CYP7B1: variants seen among roughly 807,000 people sequenced by gnomAD.
CYP7B1 encodes cytochrome P450 7B1.
CYP7B1 carries 29 observed loss-of-function variants against 42.7 expected under a neutral mutation model. The ratio of observed to expected loss-of-function variants is 0.68; its 90% confidence interval spans 0.51 to 0.93. The LOEUF (loss-of-function observed/expected upper bound fraction) is 0.93. Ranked by LOEUF, CYP7B1 falls within the 40% of genes least tolerant of loss-of-function variation. CYP7B1 has a pLI of 0.00. For synonymous variants in CYP7B1, 235 were observed against 218.2 expected (o/e 1.08, Z -0.68); for missense variants, 655 against 600.5 (o/e 1.09, Z -0.95).
intron 1 of CYP7B1, among the ~76,000 whole-genome samples, chr8:64,705,822 C>T (rs974514360): frequency 1.3e-5 from 2 of 152,044 alleles, no homozygotes; most frequent in Non-Finnish European, 1.5e-5. Context: ...TTTCCAATTA[C>T]ATTCCTTTAG....
At chr8:64,756,456 T>C (rs1048964853) in intron 1 of CYP7B1, among the ~76,000 whole-genome samples, 3 of 152,190 alleles carry the variant, frequency 2.0e-5, no homozygotes, top group Admixed American at 6.5e-5. Context: ...AGGGTTTGTT[T>C]TGGAAGCGGA....
intron 1 of CYP7B1, among the ~76,000 whole-genome samples, chr8:64,685,985 C>A (rs1308449046): frequency 2.1e-5 from 1 of 47,634 alleles, no homozygotes; most frequent in Non-Finnish European, 4.3e-5. Context: ...CGCCTCTGCC[C>A]GGCCGCCCCT....
intron 4 of CYP7B1, among the ~76,000 whole-genome samples, chr8:64,614,261 G>C (rs1585806611): frequency 1.3e-5 from 2 of 152,164 alleles, no homozygotes; most frequent in African/African-American, 2.4e-5. Context: ...GCGATTAAAA[G>C]CTCCAGTCAT....
At chr8:64,769,816 A>C (rs1271202040) in intron 1 of CYP7B1, among the ~76,000 whole-genome samples, 1 of 151,702 alleles carries the variant, frequency 6.6e-6, no homozygotes, top group Non-Finnish European at 1.5e-5. Context: ...CCCCCATCCT[A>C]CTGAGCATAC....
At chr8:64,714,329 A>G (rs1488742281) in intron 1 of CYP7B1, among the ~76,000 whole-genome samples, 3 of 152,224 alleles carry the variant, frequency 2.0e-5, no homozygotes, top group Admixed American at 6.5e-5. Context: ...ATATCAATAA[A>G]TGTGTGCAAA....
intron 4 of CYP7B1, among the ~76,000 whole-genome samples, chr8:64,612,913 T>C (rs138637678): frequency 1.3e-5 from 2 of 152,296 alleles, no homozygotes; most frequent in African/African-American, 4.8e-5. Flanking sequence ...TCTCTTGATA[T>C]AGAGAAATAC....
In CYP7B1 at chr8:64,797,643, CAT is replaced by C. The variant is rs529764573; in HGVS notation, c.122+821_122+822del. 3.5e-4 allele frequency among the ~76,000 whole-genome samples: 53 copies of C among 152,262 alleles called. 1 individual carries two copies. In the East Asian group the frequency reaches 9.7e-3, roughly 28 times the overall value. On this transcript the variant is annotated intron_variant, in intron 1 of 5. Transcript: ENST00000310193. ...TGAGAAACAACCTGTATCACACACA[CAT>C]AGATATCTATACATTGATACATATG...
chr8:64,690,320 T>C (rs1806719987), intron 1 of CYP7B1, among the ~76,000 whole-genome samples: 4 of 152,156 alleles, frequency 2.6e-5, no homozygotes, highest in South Asian at 4.1e-4. Flanking sequence ...GGAGGATCGA[T>C]TGACCCTGGG....
At chr8:64,662,012 A>G (rs746206301) in intron 1 of CYP7B1, among the ~76,000 whole-genome samples, 20 of 152,054 alleles carry the variant, frequency 1.3e-4, no homozygotes, top group Non-Finnish European at 2.1e-4. Context: ...CCATCTCACA[A>G]GGCATGGCCC....
intron 1 of CYP7B1, among the ~76,000 whole-genome samples, chr8:64,658,387 GAAGTA>G (rs906280480): frequency 1.3e-5 from 2 of 151,944 alleles, no homozygotes; most frequent in African/African-American, 4.8e-5. Flanking sequence ...GAAACACTGA[GAAGTA>G]AAGTTTTTTT....
At chr8:64,709,035 C>T (rs1807041686) in intron 1 of CYP7B1, among the ~76,000 whole-genome samples, 1 of 152,190 alleles carries the variant, frequency 6.6e-6, no homozygotes, top group African/African-American at 2.4e-5. Flanking sequence ...CTGACAGGCA[C>T]TGAGCTGTGT....
At chr8:64,697,108 C>T (rs1305202012) in intron 1 of CYP7B1, among the ~76,000 whole-genome samples, 1 of 152,070 alleles carries the variant, frequency 6.6e-6, no homozygotes, top group African/African-American at 2.4e-5. Flanking sequence ...ATAGAAACTG[C>T]CAATCTGTTT....
At chr8:64,750,307 T>A (rs1807707939) in intron 1 of CYP7B1, among the ~76,000 whole-genome samples, 1 of 152,152 alleles carries the variant, frequency 6.6e-6, no homozygotes, top group Non-Finnish European at 1.5e-5. Context: ...ACCAACAGGA[T>A]CTAGATCTAC....
intron 1 of CYP7B1, among the ~76,000 whole-genome samples, chr8:64,655,720 C>G (rs1293521745): frequency 1.3e-5 from 2 of 152,130 alleles, no homozygotes; most frequent in Non-Finnish European, 2.9e-5. Context: ...CACAGATGTT[C>G]ATTGCAGCAC....
chr8:64,731,896 G>A (rs971460719), intron 1 of CYP7B1, among the ~76,000 whole-genome samples: 2 of 152,216 alleles, frequency 1.3e-5, no homozygotes, highest in Non-Finnish European at 2.9e-5. Context: ...CTTCCACGTG[G>A]TGTTTGGCCT....
chr8:64,797,208 A>G (rs192953016), intron 1 of CYP7B1, among the ~76,000 whole-genome samples: 1 of 152,206 alleles, frequency 6.6e-6, no homozygotes, highest in East Asian at 1.9e-4. Flanking sequence ...TCTCACACCA[A>G]TCACCTTCAC....
At chr8:64,590,818 T>C (rs900923835), downstream of CYP7B1, among the ~76,000 whole-genome samples, 1 of 152,176 alleles carries the variant, frequency 6.6e-6, no homozygotes. Context: ...AACATATTCC[T>C]AGTAGGACAA....
chr8:64,626,428 G>A (rs925395860), intron 1 of CYP7B1, among the ~76,000 whole-genome samples: 1 of 152,112 alleles, frequency 6.6e-6, no homozygotes, highest in Non-Finnish European at 1.5e-5. Flanking sequence ...AATCAGAAGA[G>A]AAATAATAAT....
rs529292620 is a variant in CYP7B1 at position 64,788,156 on chromosome 8, C to A, written c.122+10310G>T. On this transcript the variant is annotated intron_variant, in intron 1 of 5. Coordinates refer to ENST00000310193, the MANE Select transcript of CYP7B1 (RefSeq NM_004820.5). ...CACAGAATGTAAAACACAGAAAGAACCCTAATGTAAAGCATGAACTTTAGT... is the reference window on the plus strand; with the variant it reads ...CACAGAATGTAAAACACAGAAAGAAACCTAATGTAAAGCATGAACTTTAGT... Among the ~76,000 whole-genome samples, 187 of 152,232 alleles carry A rather than the reference C, an allele frequency of 1.2e-3. 1 individual carries two copies. The highest frequency in any genetic ancestry group is 2.0e-3 in the Non-Finnish European group (133 of 67,998).
Sources: allele counts gnomAD v4.1 joint callset (sites outside exome capture counted in the v4.1 genomes callset), GRCh38; gene constraint gnomAD v4.1.1; transcripts MANE v1.5; gene names NCBI Gene and HGNC (gene_info 2026-07-23, HGNC 2026-07-21).